The following PDE10A variants were observed in gnomAD, a reference collection of about 807,000 sequenced individuals.
PDE10A encodes the protein cAMP and cAMP-inhibited cGMP 3',5'-cyclic phosphodiesterase 10A.
Under a neutral mutation model 97.7 loss-of-function variants are expected in PDE10A, and 39 were observed. The ratio of observed to expected loss-of-function variants is 0.40; its 90% CI spans 0.31 to 0.52. The LOEUF (loss-of-function observed/expected upper bound fraction) is 0.52, where lower values mean the gene tolerates loss of function less well. Among genes scored for constraint, PDE10A ranks in the 20% least tolerant of loss-of-function variants. The pLI, the probability that PDE10A is intolerant of heterozygous loss-of-function variation, is 0.56. For missense variants in PDE10A, 731 were observed against 1,047.8 expected (o/e 0.70, Z 4.17); for synonymous variants, 371 against 376.8 (o/e 0.98, Z 0.18).
At chr6:165,872,418 G>A (rs1461808459) in intron 1 of PDE10A, among the ~76,000 whole-genome samples, 2 of 152,164 alleles carry the variant, frequency 1.3e-5, no homozygotes, top group Admixed American at 6.5e-5. Context: ...ACATGTTGGT[G>A]GGTCCAGAGG....
chr6:165,427,029 G>A (rs999144561), intron 10 of PDE10A, among the ~76,000 whole-genome samples: 2 of 152,088 alleles, frequency 1.3e-5, no homozygotes, highest in South Asian at 2.1e-4. Context: ...ATGAAAAGTG[G>A]TGCAACTGCC....
intron 1 of PDE10A, among the ~76,000 whole-genome samples, chr6:165,715,602 A>G (rs1024242999): frequency 3.3e-5 from 5 of 152,180 alleles, no homozygotes; most frequent in African/African-American, 9.6e-5. Context: ...ACCCATGCAC[A>G]TGCATGTACA....
chr6:165,866,858 T>TA (rs991214215), intron 1 of PDE10A, among the ~76,000 whole-genome samples: 2 of 148,880 alleles, frequency 1.3e-5, no homozygotes, highest in East Asian at 2.0e-4. Flanking sequence ...TCTTCAAAAA[T>TA]AAAAAAGAAG....
chr6:165,356,792 C>T (rs923406413), intron 18 of PDE10A, among the ~76,000 whole-genome samples: 1 of 152,088 alleles, frequency 6.6e-6, no homozygotes, highest in African/African-American at 2.4e-5. Flanking sequence ...GCTTAATTCG[C>T]TTATTAATTC....
At chr6:165,785,565 C>A (rs2128462560) in intron 1 of PDE10A, among the ~76,000 whole-genome samples, 1 of 152,332 alleles carries the variant, frequency 6.6e-6, no homozygotes, top group East Asian at 1.9e-4. Flanking sequence ...TTCGTATCCA[C>A]TTGTCATTAC....
intron 1 of PDE10A, among the ~76,000 whole-genome samples, chr6:165,929,606 G>A (rs1272476382): frequency 6.6e-6 from 1 of 152,220 alleles, no homozygotes; most frequent in Non-Finnish European, 1.5e-5. Context: ...AGGGCCTTCA[G>A]TGCTGCTGGA....
At chr6:165,436,206 TGTTGGA>T (rs1790003490) in intron 5 of PDE10A, among the ~76,000 whole-genome samples, 1 of 152,226 alleles carries the variant, frequency 6.6e-6, no homozygotes, top group African/African-American at 2.4e-5. Flanking sequence ...TTTTATCTTA[TGTTGGA>T]TTACTCTAAC....
intron 1 of PDE10A, among the ~76,000 whole-genome samples, chr6:165,824,229 C>T (rs919680847): frequency 1.3e-5 from 2 of 152,202 alleles, no homozygotes; most frequent in African/African-American, 4.8e-5. Flanking sequence ...TTCATTAAAA[C>T]TTGTGTTCAC....
At chr6:165,414,988 T>C (rs1030024078) in intron 12 of PDE10A, among the ~76,000 whole-genome samples, 1 of 152,204 alleles carries the variant, frequency 6.6e-6, no homozygotes, top group Non-Finnish European at 1.5e-5. Flanking sequence ...TCTGTTAAAA[T>C]CACCTGCCCT....
chr6:165,564,043 T>G (rs924458126), intron 1 of PDE10A, among the ~76,000 whole-genome samples: 1 of 152,170 alleles, frequency 6.6e-6, no homozygotes, highest in Non-Finnish European at 1.5e-5. Flanking sequence ...TATTTGTGAT[T>G]TCAACAAAAG....
At chr6:165,931,022 C>G (rs1783117595) in intron 1 of PDE10A, among the ~76,000 whole-genome samples, 1 of 152,236 alleles carries the variant, frequency 6.6e-6, no homozygotes, top group South Asian at 2.1e-4. Flanking sequence ...GGAACCTTCT[C>G]ATGCCCCTGC....
At chr6:165,740,081 A>C (rs999043064) in intron 1 of PDE10A, among the ~76,000 whole-genome samples, 2 of 152,208 alleles carry the variant, frequency 1.3e-5, no homozygotes, top group African/African-American at 4.8e-5. Context: ...TGGAATTACC[A>C]TATGACCTGG....
At chr6:165,736,985 G>T (rs1792591352) in intron 1 of PDE10A, among the ~76,000 whole-genome samples, 1 of 152,076 alleles carries the variant, frequency 6.6e-6, no homozygotes, top group South Asian at 2.1e-4. Context: ...CGATACTACA[G>T]AACTACAAAG....
intron 1 of PDE10A, among the ~76,000 whole-genome samples, chr6:165,814,086 A>T (rs534080652): frequency 6.6e-6 from 1 of 152,352 alleles, no homozygotes; most frequent in East Asian, 1.9e-4. Flanking sequence ...AAAGGTGTCA[A>T]GGATGTTATG....
chr6:165,774,187 G>A (rs1389765035), intron 1 of PDE10A, among the ~76,000 whole-genome samples: 1 of 151,922 alleles, frequency 6.6e-6, no homozygotes, highest in Non-Finnish European at 1.5e-5. Flanking sequence ...TCTAAAAATG[G>A]GAAGATAAAA....
At chr6:165,409,904 T>TC (rs1554257377) in intron 13 of PDE10A, among the ~76,000 whole-genome samples, 1 of 151,154 alleles carries the variant, frequency 6.6e-6, no homozygotes, top group Non-Finnish European at 1.5e-5. Context: ...TTTTTTTTTT[T>TC]CTGTGTGGTT....
At chr6:165,867,001 A>G (rs772406003) in intron 1 of PDE10A, among the ~76,000 whole-genome samples, 1 of 152,098 alleles carries the variant, frequency 6.6e-6, no homozygotes, top group Admixed American at 6.5e-5. Flanking sequence ...ACACAAAAAT[A>G]TAAAACTCAC....
chr6:165,842,713 T>G (rs942877785), intron 1 of PDE10A, among the ~76,000 whole-genome samples: 1 of 152,170 alleles, frequency 6.6e-6, no homozygotes, highest in Admixed American at 6.5e-5. Flanking sequence ...CTCATCACTA[T>G]CTCACCCAGC....
intron 1 of PDE10A, among the ~76,000 whole-genome samples, chr6:165,795,212 C>A (rs900645209): frequency 6.6e-6 from 1 of 152,150 alleles, no homozygotes; most frequent in African/African-American, 2.4e-5. Flanking sequence ...CATCTTTTTC[C>A]TTCCCTTTCT....
Sources: allele counts gnomAD v4.1 joint callset (sites outside exome capture counted in the v4.1 genomes callset), GRCh38; gene constraint gnomAD v4.1.1; transcripts MANE v1.5; gene names NCBI Gene and HGNC (gene_info 2026-07-23, HGNC 2026-07-21).